LAMA4: variants seen among roughly 807,000 people sequenced by gnomAD.
LAMA4 encodes laminin subunit alpha-4.
In LAMA4, 127 loss-of-function variants were observed where a neutral mutation model predicts 207.1. The ratio of observed to expected loss-of-function variants is 0.61; its 90% CI spans 0.53 to 0.71. The LOEUF (loss-of-function observed/expected upper bound fraction) is 0.71. Ranked by LOEUF, LAMA4 falls within the 30% of genes least tolerant of loss-of-function variation. LAMA4 has a pLI of 0.00. For missense variants in LAMA4, 2,093 were observed against 2,246.5 expected (o/e 0.93, Z 1.38); for synonymous variants, 761 against 816.0 (o/e 0.93, Z 1.15).
At chr6:112,154,676 T>C (rs1282341345) in intron 16 of LAMA4, 175 bp downstream of exon 16, 4 of 625,938 alleles carry the variant, frequency 6.4e-6, no homozygotes, top group African/African-American at 5.6e-5. Flanking sequence ...TCAATCACAA[T>C]TTAAAGTATC....
intron 12 of LAMA4, among the ~76,000 whole-genome samples, chr6:112,171,438 G>A (rs1554341691): frequency 1.3e-5 from 2 of 152,046 alleles, no homozygotes; most frequent in Non-Finnish European, 1.5e-5. Flanking sequence ...GAGAGAGAAG[G>A]GGAGACTGTT....
At position 112,216,411 on chromosome 6, in the gene LAMA4, T is replaced by A. The variant is rs145301300; in HGVS notation, c.254A>T (p.Asn85Ile). 6.2e-7 allele frequency: 1 copy of A among 1,614,096 alleles called. No homozygotes were observed. Residue 85 changes from asparagine (N) to isoleucine (I), a missense_variant, in exon 3 of 39, where the codon AAT becomes ATT. This residue lies in a region of LAMA4 where 1,704 missense variants were observed against 1,788.4 expected (regional missense o/e 0.95). Transcript: ENST00000230538. ...GTCCAAACACTCGTTGGAATTGCCA[T>A]TACAGTCGCAGGGCACACATTCTCC... is the stretch of plus-strand genomic sequence containing the variant. ...LSGECVPCDC[N>I]GNSNECLDGS...
rs1782139534 is a variant in LAMA4, at chr6:112,178,249, TA to T, written c.1078-18del. The T allele has an allele frequency of 6.4e-7, 1 of 1,552,216 alleles. No homozygotes were observed. Among genetic ancestry groups the T allele is most frequent in the African/African-American group, 1.4e-5 (1 of 73,618 alleles). On this transcript the variant is annotated intron_variant, in intron 9 of 38. Coordinates refer to ENST00000230538, the MANE Select transcript of LAMA4 (RefSeq NM_001105206.3). ...TTGATTTTCCTACAAATAATCCGTATAAAGGCTAGATTAAATGTATGAGAAA... is the reference window on the plus strand; with the variant it reads ...TTGATTTTCCTACAAATAATCCGTATAAGGCTAGATTAAATGTATGAGAAA...
At chr6:112,224,946 T>TG (rs1256209345) in intron 2 of LAMA4, among the ~76,000 whole-genome samples, 1 of 151,792 alleles carries the variant, frequency 6.6e-6, no homozygotes, top group Non-Finnish European at 1.5e-5. Context: ...CAGTTTTTTT[T>TG]TTTTTAATTT....
At chr6:112,112,517 G>A (rs1777761823) in intron 38 of LAMA4, among the ~76,000 whole-genome samples, 1 of 152,202 alleles carries the variant, frequency 6.6e-6, no homozygotes, top group African/African-American at 2.4e-5. Context: ...GGGAAGCAAT[G>A]TGCAGAAATA....
chr6:112,131,873 T>G (rs909152101), intron 28 of LAMA4, among the ~76,000 whole-genome samples: 1 of 152,150 alleles, frequency 6.6e-6, no homozygotes, highest in African/African-American at 2.4e-5. Context: ...CATCAGTGTA[T>G]ATATTGATGA....
At chr6:112,239,223 AG>A (rs2114342446) in intron 2 of LAMA4, among the ~76,000 whole-genome samples, 1 of 149,918 alleles carries the variant, frequency 6.7e-6, no homozygotes, top group Non-Finnish European at 1.5e-5. Flanking sequence ...TGGGAGGCTG[AG>A]GCATGAGAAT....
chr6:112,191,535 G>A, intron 6 of LAMA4, 101 bp downstream of exon 6: 2 of 830,196 alleles, frequency 2.4e-6, no homozygotes, highest in Non-Finnish European at 2.0e-6. Context: ...TGACAAGGGG[G>A]CACTCACAAT....
intron 31 of LAMA4, among the ~76,000 whole-genome samples, chr6:112,128,538 C>T (rs1018194861): frequency 2.0e-5 from 3 of 152,034 alleles, no homozygotes; most frequent in Non-Finnish European, 2.9e-5. Context: ...CTATAGTTAA[C>T]AATAACTTAT....
At chr6:112,182,745 T>G (rs1782443283) in intron 9 of LAMA4, among the ~76,000 whole-genome samples, 1 of 152,156 alleles carries the variant, frequency 6.6e-6, no homozygotes, top group Non-Finnish European at 1.5e-5. Context: ...GGGGCAGCAC[T>G]GAGATTGGGA....
At position 112,114,058 on chromosome 6, in the gene LAMA4, T is replaced by G; in HGVS notation, c.5326+18A>C. 1 of 1,613,770 alleles carries G rather than the reference T, an allele frequency of 6.2e-7. No individual in the cohort carries two copies. The highest frequency in any genetic ancestry group is 8.5e-7 in the Non-Finnish European group (1 of 1,179,686). On this transcript the variant is annotated intron_variant, in intron 38 of 38. Coordinates refer to ENST00000230538, the MANE Select transcript of LAMA4 (RefSeq NM_001105206.3). The stretch of plus-strand genomic sequence containing the variant: ...AGTTTTTTGGATTGGGAACTTTTCC[T>G]TTTTAAACAACACTTACCTGGAACA...
intron 2 of LAMA4, among the ~76,000 whole-genome samples, chr6:112,243,784 A>G (rs1786701831): frequency 6.6e-6 from 1 of 152,228 alleles, no homozygotes; most frequent in Non-Finnish European, 1.5e-5. Context: ...GAGGCTGGGC[A>G]TGGTGGCTCA....
chr6:112,250,964 T>A (rs1040393961), intron 2 of LAMA4, among the ~76,000 whole-genome samples: 4 of 152,172 alleles, frequency 2.6e-5, no homozygotes, highest in Non-Finnish European at 4.4e-5. Context: ...GACTTTCTTT[T>A]CCTTAATGTG....
intron 25 of LAMA4, among the ~76,000 whole-genome samples, chr6:112,135,141 C>T (rs1303110055): frequency 6.6e-6 from 1 of 152,060 alleles, no homozygotes; most frequent in African/African-American, 2.4e-5. Context: ...GTGTGTTACG[C>T]ACACTTAACA....
chr6:112,250,784 A>T (rs961036336), intron 2 of LAMA4, among the ~76,000 whole-genome samples: 7 of 152,052 alleles, frequency 4.6e-5, no homozygotes, highest in African/African-American at 7.2e-5. Flanking sequence ...TTTTTGATGG[A>T]CAAGAATCTC....
intron 2 of LAMA4, among the ~76,000 whole-genome samples, chr6:112,248,371 C>T (rs1267346957): frequency 6.6e-6 from 1 of 151,898 alleles, no homozygotes; most frequent in African/African-American, 2.4e-5. Flanking sequence ...TGGTGGCACA[C>T]GCTTGTAGTC....
At chr6:112,134,334 T>C (rs576398419) in intron 26 of LAMA4, 133 bp downstream of exon 26, 4 of 808,150 alleles carry the variant, frequency 4.9e-6, no homozygotes, top group Middle Eastern at 2.2e-4. Flanking sequence ...GGTACATGAA[T>C]GTGTGTACCT....
At chr6:112,178,604 C>G (rs2114898138) in intron 9 of LAMA4, 1 of 286,818 alleles carries the variant, frequency 3.5e-6, no homozygotes, top group African/African-American at 2.2e-5. Flanking sequence ...TCCCCAAAGT[C>G]CATTGTATCA....
At chr6:112,199,770 CT>C (rs11377610) in intron 5 of LAMA4, among the ~76,000 whole-genome samples, 28,007 of 146,964 alleles carry the variant, frequency 0.19, 3,170 homozygotes, top group African/African-American at 0.31. Context: ...GATACTGTGG[CT>C]TTTTTTTTTT....
Sources: gnomAD v4.1 joint callset for allele counts (sites outside exome capture counted in the v4.1 genomes callset) on GRCh38, gnomAD v4.1.1 for gene constraint, gnomAD v4.1.1 regional missense constraint, MANE v1.5 for transcripts, NCBI Gene and HGNC (gene_info 2026-07-23, HGNC 2026-07-21) for gene names.